ZMYM2: variants seen among roughly 807,000 people sequenced by gnomAD.
ZMYM2 encodes the protein zinc finger MYM-type protein 2.
ZMYM2 carries 56 observed loss-of-function variants against 162.8 expected under a neutral mutation model. That is an observed-to-expected ratio of 0.34 (90% confidence interval 0.28 to 0.43). The LOEUF is 0.43. Ranked by LOEUF, ZMYM2 falls within the 20% of genes least tolerant of loss-of-function variation. The pLI is 1.00. For synonymous variants in ZMYM2, 510 were observed against 541.6 expected (o/e 0.94, Z 0.81); for missense variants, 1,275 against 1,621.8 (o/e 0.79, Z 3.67).
chr13:19,945,827 T>C, the ZMYM2 span, among the ~76,000 whole-genome samples: 1 of 151,830 alleles, frequency 6.6e-6, no homozygotes, highest in Admixed American at 6.6e-5. Flanking sequence ...CGCATACCTG[T>C]AATCTCAGCT....
At chr13:20,050,070 A>C (rs186439133) in intron 12 of ZMYM2, among the ~76,000 whole-genome samples, 1 of 151,996 alleles carries the variant, frequency 6.6e-6, no homozygotes, top group Non-Finnish European at 1.5e-5. Flanking sequence ...ATTAAGTGCT[A>C]TTGTTACTGA....
chr13:19,960,629 C>T (rs1390265682), intron 2 of ZMYM2, among the ~76,000 whole-genome samples: 11 of 152,140 alleles, frequency 7.2e-5, no homozygotes, highest in Admixed American at 7.2e-4. Flanking sequence ...TAGTTAATTT[C>T]TTCGTTCCCC....
chr13:19,995,479 C>T (rs1023809855), intron 3 of ZMYM2, among the ~76,000 whole-genome samples: 2 of 152,014 alleles, frequency 1.3e-5, no homozygotes, highest in African/African-American at 2.4e-5. Context: ...GGTGCAATCT[C>T]GGCTGACTGC....
intron 13 of ZMYM2, among the ~76,000 whole-genome samples, chr13:20,052,070 A>G (rs984920356): frequency 1.3e-5 from 2 of 152,134 alleles, no homozygotes; most frequent in Non-Finnish European, 2.9e-5. Flanking sequence ...ATACTTTCAG[A>G]GGGGACGAAA....
intron 21 of ZMYM2, among the ~76,000 whole-genome samples, chr13:20,078,120 G>T (rs1206085198): frequency 6.6e-6 from 1 of 151,920 alleles, no homozygotes; most frequent in African/African-American, 2.4e-5. Context: ...CACCTGGCCA[G>T]TTTTAAGTAT....
chr13:19,881,309 A>G, the ZMYM2 span, among the ~76,000 whole-genome samples: 41 of 151,920 alleles, frequency 2.7e-4, no homozygotes, highest in Middle Eastern at 3.4e-3. Flanking sequence ...CAAATTGGGG[A>G]AAAAAAATAT....
intron 2 of ZMYM2, among the ~76,000 whole-genome samples, chr13:19,991,546 C>G (rs192984032): frequency 1.3e-5 from 2 of 151,928 alleles, no homozygotes; most frequent in East Asian, 3.9e-4. Context: ...TTTTAGAGAC[C>G]TGGGTATTCA....
At chr13:19,955,690 C>T (rs1429255122), upstream of ZMYM2, among the ~76,000 whole-genome samples, 1 of 152,082 alleles carries the variant, frequency 6.6e-6, no homozygotes, top group Non-Finnish European at 1.5e-5. Context: ...GGTGCGCTCT[C>T]GGCTCACTGC....
chr13:19,887,374 T>A, the ZMYM2 span, among the ~76,000 whole-genome samples: 1 of 151,264 alleles, frequency 6.6e-6, no homozygotes. Context: ...ATTAAAAATA[T>A]AAAAATTAGC....
At chr13:19,996,348 A>C (rs1381741555) in intron 3 of ZMYM2, among the ~76,000 whole-genome samples, 2 of 152,178 alleles carry the variant, frequency 1.3e-5, no homozygotes, top group African/African-American at 4.8e-5. Context: ...TGGGAGACCA[A>C]GGCAGGAGGA....
chr13:20,001,027 G>A (rs1478742941), intron 3 of ZMYM2, among the ~76,000 whole-genome samples: 3 of 152,172 alleles, frequency 2.0e-5, no homozygotes, highest in Non-Finnish European at 4.4e-5. Flanking sequence ...GATGGTGAAG[G>A]GTTCAAGACT....
the ZMYM2 span, among the ~76,000 whole-genome samples, chr13:19,881,558 G>A: frequency 6.6e-6 from 1 of 151,988 alleles, no homozygotes; most frequent in Non-Finnish European, 1.5e-5. Flanking sequence ...GGAGGAGGAG[G>A]TTGCAGTGAG....
intron 12 of ZMYM2, among the ~76,000 whole-genome samples, chr13:20,041,546 C>T (rs1954247031): frequency 6.6e-6 from 1 of 152,266 alleles, no homozygotes; most frequent in African/African-American, 2.4e-5. Flanking sequence ...AGCCTGTTTA[C>T]ATTTAAGGTT....
At chr13:20,084,073 G>A (rs1034445581) in intron 24 of ZMYM2, among the ~76,000 whole-genome samples, 2 of 152,134 alleles carry the variant, frequency 1.3e-5, no homozygotes, top group Non-Finnish European at 2.9e-5. Flanking sequence ...ACAGTGGCAC[G>A]TGATCATAGC....
At chr13:19,929,459 C>T in the ZMYM2 span, among the ~76,000 whole-genome samples, 2 of 152,042 alleles carry the variant, frequency 1.3e-5, no homozygotes, top group Non-Finnish European at 2.9e-5. Context: ...AGGATGGTCT[C>T]GATCTCCTGA....
chr13:19,922,394 T>C, the ZMYM2 span, among the ~76,000 whole-genome samples: 1 of 152,216 alleles, frequency 6.6e-6, no homozygotes, highest in East Asian at 1.9e-4. Flanking sequence ...TTATAACTAC[T>C]TGTGGCAATA....
chr13:20,010,087 G>A (rs1951049501), intron 6 of ZMYM2, among the ~76,000 whole-genome samples: 1 of 152,118 alleles, frequency 6.6e-6, no homozygotes. Context: ...CATGTTTTAA[G>A]CTTTTGATTT....
intron 21 of ZMYM2, chr13:20,068,406 A>G (rs1468673424): frequency 1.2e-5 from 2 of 165,956 alleles, no homozygotes; most frequent in Non-Finnish European, 2.6e-5. Flanking sequence ...ATTCGTCCAT[A>G]GAACATTAAC....
intron 2 of ZMYM2, among the ~76,000 whole-genome samples, chr13:19,968,713 T>C (rs1407997565): frequency 6.6e-6 from 1 of 152,242 alleles, no homozygotes; most frequent in Admixed American, 6.5e-5. Flanking sequence ...GTAGCCAGAT[T>C]AATTTTTCCT....
Sources: gnomAD v4.1 joint callset for allele counts (sites outside exome capture counted in the v4.1 genomes callset) on GRCh38, gnomAD v4.1.1 for gene constraint, MANE v1.5 for transcripts, NCBI Gene and HGNC (gene_info 2026-07-23, HGNC 2026-07-21) for gene names.